Variants in TXNDC9 observed in about 807,000 individuals in gnomAD.
TXNDC9 encodes thioredoxin domain-containing protein 9.
TXNDC9 carries 7 observed loss-of-function variants against 23.0 expected under a neutral mutation model. The ratio of observed to expected loss-of-function variants is 0.30; its 90% CI spans 0.17 to 0.57. The LOEUF is 0.57. TXNDC9 is among the 20% of genes least tolerant of loss of function. The pLI is 0.90. For missense variants in TXNDC9, 198 were observed against 252.6 expected, an observed-to-expected ratio of 0.78 and a Z score of 1.47; for synonymous variants, 72 against 90.6, an observed-to-expected ratio of 0.79 and a Z score of 1.17.
intron 3 of TXNDC9, among the ~76,000 whole-genome samples, chr2:99,326,473 A>T (rs2094212994): frequency 1.3e-5 from 2 of 152,228 alleles, no homozygotes; most frequent in Admixed American, 1.3e-4. Flanking sequence ...TCATAGTTCC[A>T]GCTATGCTAT....
downstream of TXNDC9, among the ~76,000 whole-genome samples, chr2:99,317,641 T>C (rs562567714): frequency 3.4e-5 from 5 of 149,064 alleles, no homozygotes; most frequent in South Asian, 1.1e-3. Context: ...TAACCACTCA[T>C]TTTTTTTTTC....
intron 1 of TXNDC9, among the ~76,000 whole-genome samples, chr2:99,333,798 G>A (rs556681040): frequency 6.6e-6 from 1 of 152,244 alleles, no homozygotes; most frequent in South Asian, 2.1e-4. Context: ...AAAGAAGAGT[G>A]CCTGGTGTTC....
chr2:99,321,864 T>C, intron 4 of TXNDC9, 91 bp downstream of exon 4: 1 of 1,357,308 alleles, frequency 7.4e-7, no homozygotes, highest in East Asian at 2.6e-5. Context: ...TGCCTTAATT[T>C]CATAAAATAA....
intron 2 of TXNDC9, among the ~76,000 whole-genome samples, chr2:99,332,118 C>T (rs1423740350): frequency 1.3e-4 from 20 of 152,182 alleles, no homozygotes; most frequent in Non-Finnish European, 1.0e-4. Flanking sequence ...AAAGTATTTC[C>T]ATGTAACCCA....
At chr2:99,332,025 C>T (rs545651749) in intron 2 of TXNDC9, among the ~76,000 whole-genome samples, 1 of 152,318 alleles carries the variant, frequency 6.6e-6, no homozygotes, top group South Asian at 2.1e-4. Flanking sequence ...CCACCATGCC[C>T]GGTCAAAACT....
intron 4 of TXNDC9, chr2:99,321,691 G>C (rs555828555): frequency 8.3e-6 from 3 of 363,152 alleles, no homozygotes; most frequent in African/African-American, 6.3e-5. Context: ...AATAGTATAC[G>C]TTAAGCTGAA....
At chr2:99,327,788 TTTG>T (rs1277375786) in intron 2 of TXNDC9, 135 bp from the exon 3 acceptor site, 1 of 570,626 alleles carries the variant, frequency 1.8e-6, no homozygotes, top group East Asian at 3.3e-5. Flanking sequence ...TTTGTTTGTT[TTTG>T]TTTTTTTTTT....
At chr2:99,316,336 A>T (rs536796347), downstream of TXNDC9, among the ~76,000 whole-genome samples, 3 of 151,896 alleles carry the variant, frequency 2.0e-5, no homozygotes, top group African/African-American at 7.3e-5. Flanking sequence ...ACACCTGGCT[A>T]ATTTTTAAAA....
rs960310834 is a variant in TXNDC9, at chr2:99,319,680, C to T, written c.*2G>A. ...AGACAATTTACAAAGAATTATTGAGCTCTAATCATCATCAGAGTCTGAATC... is the reference window on the plus strand; with the variant it reads ...AGACAATTTACAAAGAATTATTGAGTTCTAATCATCATCAGAGTCTGAATC... On this transcript the variant is annotated 3_prime_UTR_variant, in exon 5 of 5. Coordinates refer to ENST00000264255, the MANE Select transcript of TXNDC9 (RefSeq NM_005783.4). 4 of 1,556,708 alleles carry T rather than the reference C, an allele frequency of 2.6e-6. No homozygotes were observed. The highest frequency in any genetic ancestry group is 2.3e-5 in the East Asian group (1 of 44,248).
chr2:99,325,198 G>A (rs1033399996), intron 3 of TXNDC9, among the ~76,000 whole-genome samples: 1 of 152,210 alleles, frequency 6.6e-6, no homozygotes, highest in African/African-American at 2.4e-5. Flanking sequence ...TTACCCTGAT[G>A]TGATTATTAA....
At chr2:99,308,404 C>T in the TXNDC9 span, among the ~76,000 whole-genome samples, 1 of 152,172 alleles carries the variant, frequency 6.6e-6, no homozygotes, top group Non-Finnish European at 1.5e-5. Context: ...CTGTTGCTGC[C>T]CTATATTTTT....
In TXNDC9 at chr2:99,333,222, G is replaced by T; in HGVS notation, c.-12C>A. Reference sequence around the variant, plus strand: ...GCATCAGCTTCCATTCTTCCAAATGGTACAGAGTTCAGCCTGGGTGCTGGG... The same window carrying T: ...GCATCAGCTTCCATTCTTCCAAATGTTACAGAGTTCAGCCTGGGTGCTGGG... On this transcript the variant is annotated 5_prime_UTR_variant, in exon 2 of 5. Transcript: ENST00000264255. The T allele has an allele frequency of 4.3e-6, 7 of 1,610,900 alleles. No individual in the cohort carries two copies. The highest frequency in any genetic ancestry group is 5.9e-6 in the Non-Finnish European group (7 of 1,177,992).
chr2:99,331,746 G>T (rs911680250), intron 2 of TXNDC9, among the ~76,000 whole-genome samples: 4 of 151,854 alleles, frequency 2.6e-5, no homozygotes, highest in African/African-American at 4.8e-5. Context: ...TTTTTTTGTG[G>T]GGGAACTGGG....
chr2:99,322,207 C>T lies in TXNDC9; in HGVS notation c.311G>A (p.Cys104Tyr). The change falls in exon 4 of 5, where the codon TGT becomes TAT. Residue 104 changes from cysteine (C) to tyrosine (Y), a missense_variant and splice_region_variant. By Grantham distance (194) the Cys-to-Tyr change is radical (BLOSUM62 -2). Coordinates refer to ENST00000264255, the MANE Select transcript of TXNDC9 (RefSeq NM_005783.4). ...CHFYRDSTFRCKILDRHLAIL... is the reference protein window; with the variant it reads ...CHFYRDSTFRYKILDRHLAIL... ...TGCCAGATGTCTGTCTAGTATTTTACACCTGTAAGTGACCACACATAGAAA... is the reference window on the plus strand; with the variant it reads ...TGCCAGATGTCTGTCTAGTATTTTATACCTGTAAGTGACCACACATAGAAA... The T allele has an allele frequency of 6.2e-7, 1 of 1,610,108 alleles. No individual in the cohort carries two copies.
At position 99,333,226 on chromosome 2, in the gene TXNDC9, A is replaced by C; in HGVS notation, c.-16T>G. On this transcript the variant is annotated 5_prime_UTR_variant, in exon 2 of 5. Coordinates refer to ENST00000264255, the MANE Select transcript of TXNDC9 (RefSeq NM_005783.4). ...CAGCTTCCATTCTTCCAAATGGTAC[A>C]GAGTTCAGCCTGGGTGCTGGGGAGA... 6.2e-7 allele frequency: 1 copy of C among 1,610,644 alleles called. No individual in the cohort carries two copies.
intron 1 of TXNDC9, among the ~76,000 whole-genome samples, chr2:99,333,536 C>T (rs2094230932): frequency 6.6e-6 from 1 of 152,126 alleles, no homozygotes; most frequent in Non-Finnish European, 1.5e-5. Context: ...ATCACCAAAC[C>T]ACAGAGAAAT....
chr2:99,312,513 A>G, the TXNDC9 span, among the ~76,000 whole-genome samples: 2 of 151,718 alleles, frequency 1.3e-5, no homozygotes, highest in African/African-American at 2.4e-5. Context: ...AAAAAAAAAA[A>G]GAAAGAAAAT....
At chr2:99,308,780 T>C in the TXNDC9 span, among the ~76,000 whole-genome samples, 3 of 152,156 alleles carry the variant, frequency 2.0e-5, no homozygotes, top group East Asian at 5.8e-4. Context: ...GGTGCAATCT[T>C]GGCTCACTGC....
Position 99,327,312 on chromosome 2 carries a change from T to C in TXNDC9, c.308+223A>G, listed in dbSNP as rs1027039165. On this transcript the variant is annotated intron_variant, in intron 3 of 4. Coordinates refer to ENST00000264255, the MANE Select transcript of TXNDC9 (RefSeq NM_005783.4). Reference sequence around the variant, plus strand: ...GTCTTGAACTCCTGACCTCAAGTGATCCACCCCCCACTTGGCCTCCCAAAG... The same window carrying C: ...GTCTTGAACTCCTGACCTCAAGTGACCCACCCCCCACTTGGCCTCCCAAAG... Among the ~76,000 whole-genome samples the C allele has an allele frequency of 4.2e-4, 64 of 152,166 alleles. No individual in the cohort carries two copies. Among genetic ancestry groups the C allele is most frequent in the African/African-American group, 1.4e-3 (58 of 41,432 alleles).
Sources: allele counts gnomAD v4.1 joint callset (sites outside exome capture counted in the v4.1 genomes callset), GRCh38; gene constraint gnomAD v4.1.1; transcripts MANE v1.5; gene names NCBI Gene and HGNC (gene_info 2026-07-23, HGNC 2026-07-21).